The following HTR1F variants were observed in gnomAD, a reference collection of about 807,000 sequenced individuals.
HTR1F encodes 5-hydroxytryptamine (serotonin) receptor 1F, G protein-coupled.
A neutral mutation model predicts 24.0 loss-of-function variants in HTR1F; 17 were observed. That is an observed-to-expected ratio of 0.71 (90% confidence interval 0.48 to 1.06). HTR1F has a LOEUF of 1.06. Among genes scored for constraint, HTR1F ranks in the 50% least tolerant of loss-of-function variants. The pLI is 0.00. For missense variants in HTR1F, 391 were observed against 427.8 expected (o/e 0.91, Z 0.76); for synonymous variants, 186 against 156.8 (o/e 1.19, Z -1.39).
intron 2 of HTR1F, among the ~76,000 whole-genome samples, chr3:87,871,810 G>A (rs996901351): frequency 1.3e-5 from 2 of 152,070 alleles, no homozygotes; most frequent in African/African-American, 4.8e-5. Context: ...CACATTAACA[G>A]TAGGTGATTT....
chr3:87,926,952 T>C (rs1704139845), intron 2 of HTR1F, among the ~76,000 whole-genome samples: 1 of 152,090 alleles, frequency 6.6e-6, no homozygotes, highest in Admixed American at 6.6e-5. Flanking sequence ...GAATTAAGTC[T>C]GAGAATTCGG....
rs578172754 is a variant in HTR1F, at chr3:87,975,843, T to C, written c.-42-14865T>C. Among the ~76,000 whole-genome samples the C allele has an allele frequency of 8.0e-4, 122 of 152,366 alleles. No homozygotes were observed. In the South Asian group the frequency reaches 0.015, roughly 19 times the overall value. Reference sequence around the variant, plus strand: ...TGCATTTGAGCAGAGCTCCAAATCATGGCCATATAACATCTGCCTTGTGTT... The same window carrying C: ...TGCATTTGAGCAGAGCTCCAAATCACGGCCATATAACATCTGCCTTGTGTT... On this transcript the variant is annotated intron_variant, in intron 2 of 2. Transcript: ENST00000319595.
intron 2 of HTR1F, among the ~76,000 whole-genome samples, chr3:87,842,745 G>A (rs1246329145): frequency 2.0e-5 from 3 of 151,882 alleles, no homozygotes; most frequent in East Asian, 3.8e-4. Context: ...TTACAAACCA[G>A]AAAACTGTTT....
At position 87,792,736 on chromosome 3, in the gene HTR1F, G is replaced by C. The variant is rs980386078; in HGVS notation, c.-266G>C. Among the ~76,000 whole-genome samples the C allele has an allele frequency of 7.9e-5, 12 of 152,326 alleles. No individual in the cohort carries two copies. Among genetic ancestry groups the C allele is most frequent in the East Asian group, 3.9e-4 (2 of 5,152 alleles). The stretch of plus-strand genomic sequence containing the variant: ...CAGCGTCGCGGCCCCGAAAGCTGGC[G>C]ACAGGCGCTGCTGTCTTCCCGCCCC... On this transcript the variant is annotated 5_prime_UTR_variant, in exon 1 of 3. Transcript: ENST00000319595.
At chr3:87,837,775 G>T (rs1229899527) in intron 2 of HTR1F, among the ~76,000 whole-genome samples, 1 of 151,844 alleles carries the variant, frequency 6.6e-6, no homozygotes, top group Non-Finnish European at 1.5e-5. Context: ...TTAAGTGAAA[G>T]GTACTTAGCC....
At chr3:87,903,365 C>T (rs1406681626) in intron 2 of HTR1F, among the ~76,000 whole-genome samples, 1 of 151,638 alleles carries the variant, frequency 6.6e-6, no homozygotes. Context: ...AAAATTTTCG[C>T]AACCTACTCA....
chr3:87,979,812 C>T (rs1379107651), intron 2 of HTR1F, among the ~76,000 whole-genome samples: 2 of 152,214 alleles, frequency 1.3e-5, no homozygotes, highest in Non-Finnish European at 2.9e-5. Context: ...GCTGCTGTGG[C>T]AGGTCAGGCA....
chr3:87,849,828 A>AT (rs1375615421), intron 2 of HTR1F, among the ~76,000 whole-genome samples: 1 of 152,016 alleles, frequency 6.6e-6, no homozygotes, highest in Non-Finnish European at 1.5e-5. Flanking sequence ...AAAAGAGGAC[A>AT]TTTATGCAGC....
chr3:87,798,858 A>C (rs1248037218), intron 1 of HTR1F, among the ~76,000 whole-genome samples: 3 of 152,144 alleles, frequency 2.0e-5, no homozygotes, highest in Admixed American at 2.0e-4. Flanking sequence ...GAAGTCTCTG[A>C]CAGCACTCTC....
intron 2 of HTR1F, among the ~76,000 whole-genome samples, chr3:87,834,373 A>G (rs950993999): frequency 4.6e-5 from 7 of 152,194 alleles, no homozygotes; most frequent in Admixed American, 4.6e-4. Flanking sequence ...ATATATACAT[A>G]TATTAAAAAT....
chr3:87,807,548 T>C (rs1322891165), intron 1 of HTR1F, among the ~76,000 whole-genome samples: 2 of 151,998 alleles, frequency 1.3e-5, no homozygotes, highest in Non-Finnish European at 2.9e-5. Context: ...TTTTAATATA[T>C]AAGATCATAT....
In HTR1F at chr3:87,853,550, T is replaced by C. The variant is rs374294274; in HGVS notation, c.-43+31426T>C. Among the ~76,000 whole-genome samples the C allele has an allele frequency of 5.3e-5, 8 of 152,266 alleles. No homozygotes were observed. The South Asian group carries it at 1.7e-3, about 32-fold the overall frequency. On this transcript the variant is annotated intron_variant, in intron 2 of 2. Coordinates refer to ENST00000319595, the MANE Select transcript of HTR1F (RefSeq NM_001322209.2). ...GAACATTTGCCTGCATGTGTCTTCATAGTAGAACAATTCATATTCCTTTAG... is the reference window on the plus strand; with the variant it reads ...GAACATTTGCCTGCATGTGTCTTCACAGTAGAACAATTCATATTCCTTTAG...
intron 2 of HTR1F, among the ~76,000 whole-genome samples, chr3:87,920,555 G>A (rs1243767047): frequency 6.6e-6 from 1 of 151,946 alleles, no homozygotes; most frequent in Non-Finnish European, 1.5e-5. Flanking sequence ...ACGTAAAACA[G>A]TAAGGTAGCT....
chr3:87,944,730 T>C (rs1704653716), intron 2 of HTR1F, among the ~76,000 whole-genome samples: 1 of 152,214 alleles, frequency 6.6e-6, no homozygotes, highest in Non-Finnish European at 1.5e-5. Context: ...AGTGGTGAGG[T>C]GTGCTCACAA....
intron 2 of HTR1F, among the ~76,000 whole-genome samples, chr3:87,957,378 A>G (rs1486376795): frequency 6.6e-6 from 1 of 151,366 alleles, no homozygotes; most frequent in African/African-American, 2.4e-5. Flanking sequence ...AAGGATTTTA[A>G]CATTTAATTT....
rs193083643 is a variant in HTR1F at position 87,847,106 on chromosome 3, T to C, written c.-43+24982T>C. 1.5e-3 allele frequency among the ~76,000 whole-genome samples: 222 copies of C among 151,866 alleles called. 5 individuals carry two copies. The highest frequency in any genetic ancestry group is 5.2e-3 in the African/African-American group (213 of 41,300). On this transcript the variant is annotated intron_variant, in intron 2 of 2. Coordinates refer to ENST00000319595, the MANE Select transcript of HTR1F (RefSeq NM_001322209.2). Reference sequence around the variant, plus strand: ...AAATAAAATATACATAAATGATCATTCAACATATAAAAATGTACAGTTTCA... The same window carrying C: ...AAATAAAATATACATAAATGATCATCCAACATATAAAAATGTACAGTTTCA...
intron 1 of HTR1F, among the ~76,000 whole-genome samples, chr3:87,799,771 C>T (rs1703963933): frequency 6.6e-6 from 1 of 152,184 alleles, no homozygotes; most frequent in Non-Finnish European, 1.5e-5. Flanking sequence ...AAATTCCCCT[C>T]TCTTCTGCAT....
intron 1 of HTR1F, among the ~76,000 whole-genome samples, chr3:87,816,370 G>GT (rs1704250835): frequency 6.6e-6 from 1 of 151,974 alleles, no homozygotes; most frequent in Non-Finnish European, 1.5e-5. Flanking sequence ...TAGTTTGTTT[G>GT]TTTTTTGTTT....
At chr3:87,846,598 TTTTGTTTG>T (rs562592512) in intron 2 of HTR1F, among the ~76,000 whole-genome samples, 4 of 151,954 alleles carry the variant, frequency 2.6e-5, no homozygotes, top group Non-Finnish European at 5.9e-5. Context: ...ATTTCAATTT[TTTTGTTTG>T]TTTGTTTGTT....
Sources: gnomAD v4.1 joint callset for allele counts (sites outside exome capture counted in the v4.1 genomes callset) on GRCh38, gnomAD v4.1.1 for gene constraint, MANE v1.5 for transcripts, NCBI Gene and HGNC (gene_info 2026-07-23, HGNC 2026-07-21) for gene names.